ANO4: variants seen among roughly 807,000 people sequenced by gnomAD.
The protein encoded by ANO4 is anoctamin-4.
In ANO4, 69 loss-of-function variants were observed where a neutral mutation model predicts 141.9. The observed-to-expected ratio is 0.49, with a 90% CI of 0.40 to 0.59. The LOEUF is 0.59. Among genes scored for constraint, ANO4 ranks in the 20% least tolerant of loss-of-function variants. The probability of loss-of-function intolerance (pLI) is 0.00; values close to 1 mark genes in which losing one functional copy is unlikely to be tolerated. For synonymous variants in ANO4, 350 were observed against 394.3 expected, an observed-to-expected ratio of 0.89 and a Z score of 1.33; for missense variants, 894 against 1,162.2, an observed-to-expected ratio of 0.77 and a Z score of 3.36.
rs374703243 is a variant in ANO4 at position 101,043,682 on chromosome 12, C to A, written c.1251+47C>A. On this transcript the variant is annotated intron_variant, in intron 13 of 27. Coordinates refer to ENST00000392977, the MANE Select transcript of ANO4 (RefSeq NM_001286615.2). ...TTAGATGAATTGAATTTAACATACA[C>A]CTTCCTGAGGGATGGTGGGTAACTC... The A allele has an allele frequency of 5.1e-6, 7 of 1,373,236 alleles. No individual in the cohort carries two copies. In the African/African-American group the frequency reaches 1.0e-4, roughly 20 times the overall value. The allele number at this position is 1,373,236 out of a possible 1,614,324, so 85.1% of individuals were successfully genotyped here. A position where few individuals can be genotyped will look rare whatever the true frequency, so the allele number is the denominator to read the frequency against.
In ANO4 at chr12:101,111,547, A is replaced by G. The variant is rs781232755; in HGVS notation, c.2303-16A>G. On this transcript the variant is annotated splice_polypyrimidine_tract_variant and intron_variant, in intron 23 of 27. Coordinates refer to ENST00000392977, the MANE Select transcript of ANO4 (RefSeq NM_001286615.2). The stretch of plus-strand genomic sequence containing the variant: ...GTTTTGTGTATGGAACTAACACAAC[A>G]CTTCTATTTGAATAGGAATTTGGTA... The G allele has an allele frequency of 6.3e-7, 1 of 1,589,846 alleles. No individual in the cohort carries two copies. Among genetic ancestry groups the G allele is most frequent in the South Asian group, 1.2e-5 (1 of 86,578 alleles).
chr12:100,798,835 CT>C (rs2034506995), intron 1 of ANO4, among the ~76,000 whole-genome samples: 2 of 152,224 alleles, frequency 1.3e-5, no homozygotes, highest in South Asian at 4.1e-4. Flanking sequence ...GTTTTGTGGG[CT>C]TTTTCTCTAA....
chr12:100,875,004 A>C (rs796190015), intron 1 of ANO4, among the ~76,000 whole-genome samples: 21 of 152,294 alleles, frequency 1.4e-4, no homozygotes, highest in African/African-American at 5.1e-4. Flanking sequence ...GCCTTGTCTC[A>C]GATGAGACTT....
At chr12:101,121,911 G>A (rs559854325) in intron 26 of ANO4, among the ~76,000 whole-genome samples, 41 of 152,022 alleles carry the variant, frequency 2.7e-4, no homozygotes, top group African/African-American at 9.2e-4. Context: ...ACAGGCACCC[G>A]CTACCACACC....
intron 25 of ANO4, among the ~76,000 whole-genome samples, chr12:101,119,551 A>G (rs964128456): frequency 6.6e-6 from 1 of 152,218 alleles, no homozygotes; most frequent in Non-Finnish European, 1.5e-5. Context: ...AGAGTCTATT[A>G]TACAGCAATA....
chr12:100,979,231 A>T (rs2044341105), intron 7 of ANO4, among the ~76,000 whole-genome samples: 1 of 152,142 alleles, frequency 6.6e-6, no homozygotes, highest in Non-Finnish European at 1.5e-5. Context: ...TCAATTTTGG[A>T]TATTTAGAAG....
chr12:101,042,466 C>T lies in ANO4; in HGVS notation c.1152C>T (p.Val384=). ...YGVTTLDHSQ[V]SKEVCQATDI... is the part of the protein sequence containing the mutation. ...TCACCACTCTGGATCACAGCCAAGT[C>T]AGGTACGGGGAGCTCTTGGATGAGT... The change falls in exon 12 of 28, where the codon GTC becomes GTT. Residue 384 remains valine (V), a splice_region_variant and synonymous_variant. Transcript: ENST00000392977. 6.2e-7 allele frequency: 1 copy of T among 1,614,086 alleles called. No homozygotes were observed. Among genetic ancestry groups the T allele is most frequent in the South Asian group, 1.1e-5 (1 of 91,070 alleles).
chr12:101,110,369 A>G (rs2137012788), intron 22 of ANO4, 35 bp from the exon 23 acceptor site: 1 of 1,562,284 alleles, frequency 6.4e-7, no homozygotes, highest in Non-Finnish European at 8.7e-7. Flanking sequence ...TGGAAAACCA[A>G]TACTCTCTGC....
intron 22 of ANO4, among the ~76,000 whole-genome samples, chr12:101,109,705 C>T (rs985663842): frequency 6.6e-6 from 1 of 152,166 alleles, no homozygotes; most frequent in Non-Finnish European, 1.5e-5. Context: ...TACACTTCCC[C>T]CTACTAATTT....
chr12:100,777,872 G>A (rs2033578677), intron 3 of ANO4, among the ~76,000 whole-genome samples: 1 of 151,394 alleles, frequency 6.6e-6, no homozygotes, highest in Non-Finnish European at 1.5e-5. Context: ...TCTCTCACAA[G>A]CTAAATGGTC....
chr12:101,053,585 A>C (rs1263667513), intron 14 of ANO4, among the ~76,000 whole-genome samples: 1 of 151,900 alleles, frequency 6.6e-6, no homozygotes, highest in East Asian at 1.9e-4. Context: ...CATCACTCCT[A>C]TCTCTGCCTC....
At chr12:101,074,154 G>A (rs191821229) in intron 14 of ANO4, among the ~76,000 whole-genome samples, 4 of 152,250 alleles carry the variant, frequency 2.6e-5, no homozygotes. Context: ...ATTAAGATAA[G>A]GTTAGATCGC....
At chr12:100,984,319 G>A (rs532953228) in intron 7 of ANO4, among the ~76,000 whole-genome samples, 18 of 152,126 alleles carry the variant, frequency 1.2e-4, no homozygotes, top group East Asian at 1.9e-4. Context: ...CTGGTCTCAC[G>A]CCTGTAATCC....
chr12:101,124,759 T>C (rs917224176), intron 26 of ANO4, among the ~76,000 whole-genome samples: 7 of 152,188 alleles, frequency 4.6e-5, no homozygotes, highest in African/African-American at 1.4e-4. Flanking sequence ...TTTGTCAGGT[T>C]TTTCAAAGAT....
chr12:101,099,849 G>A (rs1288115469), intron 22 of ANO4, 129 bp downstream of exon 22: 7 of 677,524 alleles, frequency 1.0e-5, no homozygotes, highest in Non-Finnish European at 1.6e-5. Flanking sequence ...CAGAGAGGAA[G>A]GCATGTCCTG....
At chr12:100,895,651 T>C (rs2040313797) in intron 1 of ANO4, among the ~76,000 whole-genome samples, 1 of 149,572 alleles carries the variant, frequency 6.7e-6, no homozygotes, top group Non-Finnish European at 1.5e-5. Flanking sequence ...AACCTCCGCC[T>C]CTTGGGTTCA....
At chr12:100,798,685 G>A (rs1266055277) in intron 1 of ANO4, among the ~76,000 whole-genome samples, 1 of 152,142 alleles carries the variant, frequency 6.6e-6, no homozygotes, top group Non-Finnish European at 1.5e-5. Context: ...GCAGAATTTT[G>A]GAGGAGAACC....
rs531026628 is a variant in ANO4 at position 100,751,388 on chromosome 12, G to T, written c.358+11283G>T. Among the ~76,000 whole-genome samples, 24 of 152,262 alleles carry T rather than the reference G, an allele frequency of 1.6e-4. No individual in the cohort carries two copies. The South Asian group carries it at 5.0e-3, about 32-fold the overall frequency. On this transcript the variant is annotated intron_variant, in intron 3 of 29. Transcript: ENST00000644049. The stretch of plus-strand genomic sequence containing the variant: ...GCAGGTTTTCCAACCCCCAGGAACT[G>T]CTGAGTATCTGGATTCTGGTTCAGT...
intron 5 of ANO4, among the ~76,000 whole-genome samples, chr12:100,944,151 A>C (rs998438349): frequency 1.3e-5 from 2 of 152,198 alleles, no homozygotes; most frequent in Admixed American, 6.5e-5. Flanking sequence ...GAACTTAAAA[A>C]GCCTAATGCT....
Sources: allele counts gnomAD v4.1 joint callset (sites outside exome capture counted in the v4.1 genomes callset), GRCh38; gene constraint gnomAD v4.1.1; transcripts MANE v1.5; gene names NCBI Gene and HGNC (gene_info 2026-07-23, HGNC 2026-07-21).